ADCY10: variants seen among roughly 807,000 people sequenced by gnomAD.
ADCY10 encodes the protein adenylate cyclase type 10.
ADCY10 carries 156 observed loss-of-function variants against 183.3 expected under a neutral mutation model. The ratio of observed to expected loss-of-function variants is 0.85; its 90% CI spans 0.75 to 0.97. ADCY10 has a LOEUF of 0.97. Ranked by LOEUF, ADCY10 falls within the 50% of genes least tolerant of loss-of-function variation. The pLI, the probability that ADCY10 is intolerant of heterozygous loss-of-function variation, is 0.00. For missense variants in ADCY10, 1,745 were observed against 1,934.3 expected (o/e 0.90, Z 1.84); for synonymous variants, 645 against 670.0 (o/e 0.96, Z 0.58).
intron 29 of ADCY10, 67 bp downstream of exon 29, chr1:167,822,941 C>T: frequency 2.2e-6 from 3 of 1,393,960 alleles, no homozygotes; most frequent in Non-Finnish European, 3.1e-6. Context: ...AACCTGAGAG[C>T]TGCCACACCA....
intron 7 of ADCY10, 108 bp from the exon 8 acceptor site, chr1:167,894,049 T>C: frequency 1.3e-6 from 1 of 761,584 alleles, no homozygotes; most frequent in Non-Finnish European, 2.3e-6. Flanking sequence ...GGCCTTCTTG[T>C]CCTTACAGTT....
intron 9 of ADCY10, among the ~76,000 whole-genome samples, chr1:167,882,376 T>G (rs1667922626): frequency 6.7e-6 from 1 of 149,736 alleles, no homozygotes; most frequent in Non-Finnish European, 1.5e-5. Flanking sequence ...TCCCAGCTAC[T>G]CAGGAGGCTG....
rs777189374 is a variant in ADCY10 at position 167,834,012 on chromosome 1, G to T, written c.3375C>A (p.Ser1125Arg). The stretch of plus-strand genomic sequence containing the variant: ...AAAAGGTGGCAGACTCAAATGTCTG[G>T]CTCCAAGATTTGTCCTTCTTGAGAG... ...LKTLKKDKSW[S>R]QTFESATFYS... Residue 1125 changes from serine to arginine, a missense_variant, in exon 24 of 33, where the codon AGC becomes AGA. Ser to Arg is a moderately radical substitution (Grantham distance 110). Transcript: ENST00000367851. 8 of 1,613,978 alleles carry T rather than the reference G, an allele frequency of 5.0e-6. No homozygotes were observed. The South Asian group carries it at 8.8e-5, about 18-fold the overall frequency.
intron 1 of ADCY10, among the ~76,000 whole-genome samples, chr1:167,907,944 C>T (rs991593925): frequency 2.0e-5 from 3 of 151,960 alleles, no homozygotes; most frequent in East Asian, 1.9e-4. Context: ...TCCATGGGCA[C>T]GATAGAAGAC....
chr1:167,904,159 C>T (rs540986926), intron 2 of ADCY10, among the ~76,000 whole-genome samples, 168 bp from the exon 3 acceptor site: 1 of 148,070 alleles, frequency 6.8e-6, no homozygotes, highest in South Asian at 2.1e-4. Flanking sequence ...GTGATCTCAG[C>T]TCACTGCAAC....
rs145196176 is a variant in ADCY10 at position 167,821,267 on chromosome 1, G to A, written c.4286+757C>T. On this transcript the variant is annotated intron_variant, in intron 30 of 32. Coordinates refer to ENST00000367851, the MANE Select transcript of ADCY10 (RefSeq NM_018417.6). ...AAAGGAATTGAGCCTTAGGCTTAAT[G>A]AGTTAATGGGGTGCGGGGAGAATGC... is the stretch of plus-strand genomic sequence containing the variant. 3.8e-3 allele frequency: 584 copies of A among 152,866 alleles called. 2 individuals carry two copies. The highest frequency in any genetic ancestry group is 6.7e-3 in the Non-Finnish European group (457 of 68,466). 9.5% of individuals were successfully genotyped at this position (152,866 alleles called of 1,614,324 possible).
At chr1:167,851,268 C>T (rs57848722) in intron 18 of ADCY10, among the ~76,000 whole-genome samples, 6,690 of 152,112 alleles carry the variant, frequency 0.044, 335 homozygotes, top group East Asian at 0.25. Flanking sequence ...CTTGCTGCAG[C>T]CTCAACCTCC....
chr1:167,869,871 T>C (rs571993834), intron 14 of ADCY10, among the ~76,000 whole-genome samples: 10 of 152,090 alleles, frequency 6.6e-5, no homozygotes, highest in Non-Finnish European at 1.5e-4. Flanking sequence ...TCTCGGTGTC[T>C]GAGGGGTTTT....
At chr1:167,835,288 C>T (rs1664115479) in intron 23 of ADCY10, among the ~76,000 whole-genome samples, 1 of 152,216 alleles carries the variant, frequency 6.6e-6, no homozygotes, top group Non-Finnish European at 1.5e-5. Context: ...GGCCTTTACC[C>T]TTCTGTGTCC....
At chr1:167,877,057 T>G (rs935345494) in intron 12 of ADCY10, among the ~76,000 whole-genome samples, 4 of 151,906 alleles carry the variant, frequency 2.6e-5, no homozygotes, top group Non-Finnish European at 4.4e-5. Context: ...AACCCCACAT[T>G]TGTGAGAAAA....
At chr1:167,852,605 T>A (rs573091462) in intron 18 of ADCY10, among the ~76,000 whole-genome samples, 5 of 152,332 alleles carry the variant, frequency 3.3e-5, no homozygotes, top group African/African-American at 1.2e-4. Flanking sequence ...TATAATGGAA[T>A]TATTTAGTCT....
chr1:167,913,820 T>C (rs1218437895), intron 1 of ADCY10, among the ~76,000 whole-genome samples, 156 bp downstream of exon 1: 2 of 152,214 alleles, frequency 1.3e-5, no homozygotes, highest in Non-Finnish European at 2.9e-5. Flanking sequence ...TCTAAGCTCA[T>C]GTAAGGGACT....
intron 23 of ADCY10, among the ~76,000 whole-genome samples, chr1:167,835,097 A>C (rs972905440): frequency 1.3e-5 from 2 of 152,218 alleles, no homozygotes; most frequent in African/African-American, 4.8e-5. Flanking sequence ...ACCAGTAGCA[A>C]CTGTAAATTA....
chr1:167,901,593 A>G (rs764322366), intron 5 of ADCY10, 69 bp downstream of exon 5: 72 of 1,481,866 alleles, frequency 4.9e-5, no homozygotes, highest in Non-Finnish European at 6.3e-5. Context: ...TCTTTGGGAG[A>G]GAGAGATGCC....
chr1:167,848,754 G>A (rs373664034), intron 18 of ADCY10, among the ~76,000 whole-genome samples: 6 of 151,944 alleles, frequency 3.9e-5, no homozygotes, highest in South Asian at 2.1e-4. Context: ...AGGTTCAAGC[G>A]ATTCCTGCCT....
intron 28 of ADCY10, among the ~76,000 whole-genome samples, chr1:167,824,070 C>T (rs1328807174): frequency 6.6e-6 from 1 of 152,190 alleles, no homozygotes; most frequent in African/African-American, 2.4e-5. Context: ...CCTGTAATCC[C>T]AACACTTTGG....
intron 14 of ADCY10, 123 bp downstream of exon 14, chr1:167,870,134 A>G: frequency 9.1e-7 from 1 of 1,097,098 alleles, no homozygotes; most frequent in Non-Finnish European, 1.4e-6. Flanking sequence ...CACAAGGGTC[A>G]TGGCATCCAA....
intron 18 of ADCY10, among the ~76,000 whole-genome samples, chr1:167,851,967 T>A (rs1665525730): frequency 6.6e-6 from 1 of 152,252 alleles, no homozygotes; most frequent in African/African-American, 2.4e-5. Context: ...TTTATTTTTT[T>A]AATTGAAGTG....
chr1:167,832,928 T>A, intron 25 of ADCY10, 59 bp downstream of exon 25: 4 of 1,571,654 alleles, frequency 2.5e-6, no homozygotes, highest in Non-Finnish European at 3.5e-6. Flanking sequence ...TTGGATTATG[T>A]GTAGGCCTCT....
Sources: allele counts gnomAD v4.1 joint callset (sites outside exome capture counted in the v4.1 genomes callset), GRCh38; gene constraint gnomAD v4.1.1; transcripts MANE v1.5; gene names NCBI Gene and HGNC (gene_info 2026-07-23, HGNC 2026-07-21).